Variants in TMEM132D observed in about 807,000 individuals in gnomAD.
TMEM132D encodes mature OL transmembrane protein.
TMEM132D carries 21 observed loss-of-function variants against 62.3 expected under a neutral mutation model. That is an observed-to-expected ratio of 0.34 (90% CI 0.24 to 0.49). TMEM132D has a LOEUF of 0.49. TMEM132D is among the 20% of genes least tolerant of loss of function. The pLI is 0.99. For missense variants in TMEM132D, 1,346 were observed against 1,402.8 expected, an observed-to-expected ratio of 0.96 and a Z score of 0.65; for synonymous variants, 621 against 575.6, an observed-to-expected ratio of 1.08 and a Z score of -1.13.
intron 1 of TMEM132D, among the ~76,000 whole-genome samples, chr12:129,784,460 A>C (rs1871203184): frequency 6.6e-6 from 1 of 152,102 alleles, no homozygotes; most frequent in Non-Finnish European, 1.5e-5. Flanking sequence ...AATGTTTTTC[A>C]GACTTATTTA....
chr12:129,703,317 C>T (rs140034777), intron 1 of TMEM132D, among the ~76,000 whole-genome samples: 1 of 152,286 alleles, frequency 6.6e-6, no homozygotes, highest in East Asian at 1.9e-4. Flanking sequence ...ATAAGGCAAT[C>T]GGGGTCACTG....
chr12:129,267,839 T>C (rs1311644343), intron 4 of TMEM132D, among the ~76,000 whole-genome samples: 2 of 152,064 alleles, frequency 1.3e-5, no homozygotes, highest in Non-Finnish European at 1.5e-5. Flanking sequence ...AACAGAGATA[T>C]AGATCAATGG....
At chr12:129,612,705 G>A (rs1192299903) in intron 2 of TMEM132D, among the ~76,000 whole-genome samples, 1 of 132,978 alleles carries the variant, frequency 7.5e-6, no homozygotes, top group Non-Finnish European at 1.7e-5. Flanking sequence ...AATGTGGGAA[G>A]ACATGTTGTT....
At chr12:129,699,194 C>G (rs932040285) in intron 2 of TMEM132D, among the ~76,000 whole-genome samples, 1 of 152,198 alleles carries the variant, frequency 6.6e-6, no homozygotes, top group African/African-American at 2.4e-5. Context: ...CTAAAGTACA[C>G]AGAGCTTATT....
At chr12:129,263,417 T>C (rs989242106) in intron 4 of TMEM132D, among the ~76,000 whole-genome samples, 1 of 152,168 alleles carries the variant, frequency 6.6e-6, no homozygotes, top group Non-Finnish European at 1.5e-5. Flanking sequence ...AAAGTAATAC[T>C]GAAGTATAAA....
intron 4 of TMEM132D, among the ~76,000 whole-genome samples, chr12:129,297,097 G>A (rs1171744086): frequency 6.6e-6 from 1 of 152,192 alleles, no homozygotes; most frequent in East Asian, 1.9e-4. Context: ...CCCTAGGGAA[G>A]GACAGCCTGG....
intron 5 of TMEM132D, among the ~76,000 whole-genome samples, chr12:129,140,572 C>T (rs1330253624): frequency 6.6e-6 from 1 of 152,132 alleles, no homozygotes; most frequent in African/African-American, 2.4e-5. Context: ...GGCATGGTGG[C>T]TCCTGCCTGT....
At chr12:129,206,600 G>A (rs1004211095) in intron 5 of TMEM132D, among the ~76,000 whole-genome samples, 3 of 152,156 alleles carry the variant, frequency 2.0e-5, no homozygotes, top group Admixed American at 6.5e-5. Flanking sequence ...TCCTATTATT[G>A]GGTACATACC....
intron 3 of TMEM132D, among the ~76,000 whole-genome samples, chr12:129,460,675 G>A (rs1873636093): frequency 6.6e-6 from 1 of 152,174 alleles, no homozygotes; most frequent in South Asian, 2.1e-4. Flanking sequence ...TTGCATTCGG[G>A]AGAGCCAAAT....
chr12:129,783,885 A>C (rs1871189078), intron 1 of TMEM132D, among the ~76,000 whole-genome samples: 1 of 152,236 alleles, frequency 6.6e-6, no homozygotes, highest in Admixed American at 6.5e-5. Context: ...TCTATCTGAA[A>C]GTCTCTGAGC....
intron 4 of TMEM132D, among the ~76,000 whole-genome samples, chr12:129,301,984 A>C (rs1162804342): frequency 6.6e-6 from 1 of 151,756 alleles, no homozygotes; most frequent in Non-Finnish European, 1.5e-5. Context: ...AAAAAAAAAA[A>C]CGTATTGTCT....
intron 3 of TMEM132D, 59 bp from the exon 4 acceptor site, chr12:129,337,876 G>T (rs2135658592): frequency 6.6e-7 from 1 of 1,513,936 alleles, no homozygotes; most frequent in Non-Finnish European, 8.8e-7. Flanking sequence ...TGGCACGCTT[G>T]GCAGAGAGTG....
chr12:129,594,246 T>C (rs974683329), intron 2 of TMEM132D, among the ~76,000 whole-genome samples: 9 of 152,212 alleles, frequency 5.9e-5, no homozygotes, highest in African/African-American at 1.4e-4. Flanking sequence ...ATAAGCCATA[T>C]GGCCTCCTTG....
intron 4 of TMEM132D, among the ~76,000 whole-genome samples, chr12:129,331,263 T>G (rs1169947881): frequency 6.6e-6 from 1 of 152,226 alleles, no homozygotes; most frequent in Non-Finnish European, 1.5e-5. Flanking sequence ...GTTTAAGAGC[T>G]CTGCGGTCTT....
chr12:129,509,770 A>G (rs1455336450), intron 3 of TMEM132D, among the ~76,000 whole-genome samples: 1 of 152,132 alleles, frequency 6.6e-6, no homozygotes, highest in Non-Finnish European at 1.5e-5. Context: ...AATAATCTCT[A>G]GTTCCATCCA....
chr12:129,301,735 G>T (rs1206745912), intron 4 of TMEM132D, among the ~76,000 whole-genome samples: 3 of 152,108 alleles, frequency 2.0e-5, no homozygotes, highest in Non-Finnish European at 2.9e-5. Context: ...CCCCAAGTCT[G>T]GTGGGTGGGG....
intron 2 of TMEM132D, among the ~76,000 whole-genome samples, chr12:129,690,474 A>T (rs1352831308): frequency 6.6e-6 from 1 of 152,192 alleles, no homozygotes; most frequent in Non-Finnish European, 1.5e-5. Context: ...AGCTCAAAAG[A>T]CTTTAACAAG....
intron 2 of TMEM132D, among the ~76,000 whole-genome samples, chr12:129,543,597 G>T (rs1441049347): frequency 6.6e-6 from 1 of 152,166 alleles, no homozygotes; most frequent in Non-Finnish European, 1.5e-5. Context: ...ATCATCTATA[G>T]TGTTGAATGT....
At chr12:129,213,132 G>A (rs558847388) in intron 4 of TMEM132D, among the ~76,000 whole-genome samples, 3 of 152,270 alleles carry the variant, frequency 2.0e-5, no homozygotes, top group Admixed American at 2.0e-4. Flanking sequence ...ATCCTGCAGG[G>A]GATGATGTAT....
Sources: gnomAD v4.1 joint callset for allele counts (sites outside exome capture counted in the v4.1 genomes callset) on GRCh38, gnomAD v4.1.1 for gene constraint, MANE v1.5 for transcripts, NCBI Gene and HGNC (gene_info 2026-07-23, HGNC 2026-07-21) for gene names.